ALG1: variants seen among roughly 807,000 people sequenced by gnomAD.
ALG1 encodes the protein ALG1 chitobiosyldiphosphodolichol beta-mannosyltransferase.
In ALG1, 58 loss-of-function variants were observed where a neutral mutation model predicts 55.1. The observed-to-expected ratio is 1.05, with a 90% CI of 0.85 to 1.31. ALG1 has a LOEUF of 1.31. ALG1 is among the 50% of genes most tolerant of loss of function. ALG1 has a pLI of 0.00. For missense variants in ALG1, 761 were observed against 598.6 expected (o/e 1.27, Z -2.83); for synonymous variants, 309 against 247.0 (o/e 1.25, Z -2.35).
rs1957115488 is a variant in ALG1, at chr16:5,085,308, A to C, written c.*427A>C. 2.0e-6 allele frequency: 1 copy of C among 494,608 alleles called. No individual in the cohort carries two copies. Among genetic ancestry groups the C allele is most frequent in the Non-Finnish European group, 3.7e-6 (1 of 271,230 alleles). The allele number at this position is 494,608 out of a possible 1,614,324, so 30.6% of individuals were successfully genotyped here. On this transcript the variant is annotated 3_prime_UTR_variant, in exon 13 of 13. Transcript: ENST00000262374. ...CTGCAGTGGGCTTGGCTTTGTGAGGAACTGAGTGTGTCCACGTTGGGGGAA... is the reference window on the plus strand; with the variant it reads ...CTGCAGTGGGCTTGGCTTTGTGAGGCACTGAGTGTGTCCACGTTGGGGGAA...
At chr16:5,081,798 G>C (rs1421886194) in intron 10 of ALG1, among the ~76,000 whole-genome samples, 1 of 152,036 alleles carries the variant, frequency 6.6e-6, no homozygotes, top group Non-Finnish European at 1.5e-5. Context: ...CTGACCTCAA[G>C]TGATCCTCCT....
chr16:5,085,010 C>T lies in ALG1; in HGVS notation c.*129C>T, dbSNP rs1397867110. On this transcript the variant is annotated 3_prime_UTR_variant, in exon 13 of 13. Coordinates refer to ENST00000262374, the MANE Select transcript of ALG1 (RefSeq NM_019109.5). Reference sequence around the variant, plus strand: ...AGAAGCTGAAATGACAGCAGTGGTACTGCCTGGTAAAAGAATTGGTTCTGT... The same window carrying T: ...AGAAGCTGAAATGACAGCAGTGGTATTGCCTGGTAAAAGAATTGGTTCTGT... 6.6e-6 allele frequency: 10 copies of T among 1,516,286 alleles called. No homozygotes were observed. In the Admixed American group the frequency reaches 1.2e-4, roughly 18 times the overall value. 93.9% of individuals were successfully genotyped at this position (1,516,286 alleles called of 1,614,324 possible).
rs1957102618 is a variant in ALG1 at position 5,084,944 on chromosome 16, G to C, written c.*63G>C. The C allele has an allele frequency of 6.3e-7, 1 of 1,596,120 alleles. No individual in the cohort carries two copies. Among genetic ancestry groups the C allele is most frequent in the Non-Finnish European group, 8.5e-7 (1 of 1,179,634 alleles). ...GTCCTTCCCGCAGCTTCTTCTTGGA[G>C]TCTCAGGGCAAACCCTTTCGAGCAG... is the stretch of plus-strand genomic sequence containing the variant. On this transcript the variant is annotated 3_prime_UTR_variant, in exon 13 of 13. Coordinates refer to ENST00000262374, the MANE Select transcript of ALG1 (RefSeq NM_019109.5).
rs1957132814 is a variant in ALG1 at position 5,085,657 on chromosome 16, ATCTCCAAGTGC to A, written c.*780_*790del. 1 of 1,611,320 alleles carries A rather than the reference ATCTCCAAGTGC, an allele frequency of 6.2e-7. No homozygotes were observed. The highest frequency in any genetic ancestry group is 1.7e-5 in the Admixed American group (1 of 59,992). On this transcript the variant is annotated 3_prime_UTR_variant, in exon 13 of 13. Coordinates refer to ENST00000262374, the MANE Select transcript of ALG1 (RefSeq NM_019109.5). The stretch of plus-strand genomic sequence containing the variant: ...CTACAGGGTGAGATTCAGCATTGCC[ATCTCCAAGTGC>A]TCTTCGTAGGGAAACAGTTTCTGCT...
intron 8 of ALG1, 67 bp downstream of exon 8, chr16:5,079,169 C>T: frequency 6.3e-7 from 1 of 1,576,422 alleles, no homozygotes; most frequent in African/African-American, 1.3e-5. Context: ...AGCTGCTTGC[C>T]TGGCCTGCAG....
chr16:5,074,380 C>T (rs185762784), intron 3 of ALG1, among the ~76,000 whole-genome samples: 2 of 152,154 alleles, frequency 1.3e-5, no homozygotes, highest in East Asian at 3.9e-4. Flanking sequence ...GAACTCCTGA[C>T]CTCAGGTGAT....
intron 8 of ALG1, 83 bp downstream of exon 8, chr16:5,079,185 TC>T (rs1956972138): frequency 6.5e-6 from 10 of 1,544,596 alleles, no homozygotes; most frequent in Non-Finnish European, 8.7e-6. Context: ...TGCAGCATGT[TC>T]CTGTCCCAGG....
At chr16:5,072,170 G>C in intron 1 of ALG1, 113 bp downstream of exon 1, 3 of 1,523,744 alleles carry the variant, frequency 2.0e-6, no homozygotes, top group Non-Finnish European at 2.6e-6. Context: ...CCTTTGGGCA[G>C]CTCTCCGAGA....
chr16:5,072,781 A>G (rs1956839775), intron 1 of ALG1, among the ~76,000 whole-genome samples, 170 bp from the exon 2 acceptor site: 2 of 152,218 alleles, frequency 1.3e-5, no homozygotes, highest in African/African-American at 4.8e-5. Context: ...TCCTAGAGCA[A>G]TCTGAACAAG....
rs145354851 is a variant in ALG1, at chr16:5,087,339, T to C, written c.*2458T>C. On this transcript the variant is annotated 3_prime_UTR_variant, in exon 13 of 13. Coordinates refer to ENST00000262374, the MANE Select transcript of ALG1 (RefSeq NM_019109.5). ...AGGTTTTCCCCTATAGGTATACTTA[T>C]GTGAAAATGATTATTGTGATAAATT... is the stretch of plus-strand genomic sequence containing the variant. The C allele has an allele frequency of 2.6e-5, 4 of 152,336 alleles. No homozygotes were observed. The highest frequency in any genetic ancestry group is 1.9e-4 in the East Asian group (1 of 5,188). 9.4% of individuals were successfully genotyped at this position (152,336 alleles called of 1,614,324 possible).
chr16:5,078,013 G>A lies in ALG1; in HGVS notation c.736G>A (p.Ala246Thr), dbSNP rs1300890036. 1 of 1,598,392 alleles carries A rather than the reference G, an allele frequency of 6.3e-7. No individual in the cohort carries two copies. Residue 246 changes from alanine to threonine, a missense_variant, in exon 6 of 13, where the codon GCC becomes ACC. Ala to Thr is a moderately conservative substitution (Grantham distance 58). Coordinates refer to ENST00000262374, the MANE Select transcript of ALG1 (RefSeq NM_019109.5). ...KLGSMHSPFR[A>T]RSEPEDPVTE... ...GGGCAGCATGCACTCTCCGTTCAGG[G>A]CCCGGTAGGCCTCCCATCCTCAGCT... is the stretch of plus-strand genomic sequence containing the variant.
chr16:5,075,257 T>G (rs1956889114), intron 3 of ALG1, 131 bp from the exon 4 acceptor site: 1 of 1,050,188 alleles, frequency 9.5e-7, no homozygotes, highest in Non-Finnish European at 1.5e-6. Context: ...GAGAGGGTCT[T>G]TCTTCTGCTT....
chr16:5,075,337 T>C lies in ALG1; in HGVS notation c.391-51T>C, dbSNP rs1956890329. Reference sequence around the variant, plus strand: ...GTTGTGACTATTTTTACTGGGTTTATTGCCTAGCATGGTCTGGGTTTCCTC... The same window carrying C: ...GTTGTGACTATTTTTACTGGGTTTACTGCCTAGCATGGTCTGGGTTTCCTC... On this transcript the variant is annotated intron_variant, in intron 3 of 12. Transcript: ENST00000262374. The C allele has an allele frequency of 1.9e-6, 3 of 1,591,148 alleles. No homozygotes were observed. In the African/African-American group the frequency reaches 4.0e-5, roughly 21 times the overall value.
chr16:5,073,502 C>T, intron 3 of ALG1: 1 of 559,358 alleles, frequency 1.8e-6, no homozygotes, highest in Non-Finnish European at 3.2e-6. Context: ...CTCATTTAGT[C>T]CTCACAGTTA....
chr16:5,074,340 G>T (rs1359176781), intron 3 of ALG1, among the ~76,000 whole-genome samples: 1 of 151,638 alleles, frequency 6.6e-6, no homozygotes, highest in African/African-American at 2.4e-5. Flanking sequence ...AGTAGAGATG[G>T]GGTTTCGCTA....
rs979651073 is a variant in ALG1 at position 5,087,326 on chromosome 16, A to G, written c.*2445A>G. ...ATATGTATATTCTAGGTTTTCCCCT[A>G]TAGGTATACTTATGTGAAAATGATT... On this transcript the variant is annotated 3_prime_UTR_variant, in exon 13 of 13. Transcript: ENST00000262374. 1 of 152,204 alleles carries G rather than the reference A, an allele frequency of 6.6e-6. No homozygotes were observed. The highest frequency in any genetic ancestry group is 1.5e-5 in the Non-Finnish European group (1 of 68,034). 9.4% of individuals were successfully genotyped at this position (152,204 alleles called of 1,614,324 possible).
rs376723766 is a variant in ALG1 at position 5,071,944 on chromosome 16, C to G, written c.95C>G (p.Ala32Gly). The G allele has an allele frequency of 6.3e-7, 1 of 1,587,530 alleles. No individual in the cohort carries two copies. Among genetic ancestry groups the G allele is most frequent in the African/African-American group, 1.3e-5 (1 of 74,258 alleles). ...AAGCGCTGGCGCCGGGGGCGGGCGG[C>G]CCGGCATGTAGTAGCGGTGGTGCTG... ...GWKRWRRGRA[A>G]RHVVAVVLGD... The change falls in exon 1 of 13, where the codon GCC (alanine) becomes GGC (glycine). Residue 32 changes from alanine (A) to glycine (G), a missense_variant. Coordinates refer to ENST00000262374, the MANE Select transcript of ALG1 (RefSeq NM_019109.5).
chr16:5,073,087 C>T (rs1010702683), intron 2 of ALG1, 59 bp downstream of exon 2: 2 of 1,611,364 alleles, frequency 1.2e-6, no homozygotes, highest in Admixed American at 1.7e-5. Context: ...AGGGGGTGTT[C>T]GTTTGAAAAG....
intron 10 of ALG1, 50 bp downstream of exon 10, chr16:5,081,106 G>GGGGGGGGGTA: frequency 7.1e-7 from 1 of 1,407,860 alleles, no homozygotes; most frequent in Non-Finnish European, 9.6e-7. Flanking sequence ...AACAGGGTGG[G>GGGGGGGGGTA]CGGGATGTAC....
Sources: gnomAD v4.1 joint callset for allele counts (sites outside exome capture counted in the v4.1 genomes callset) on GRCh38, gnomAD v4.1.1 for gene constraint, MANE v1.5 for transcripts, NCBI Gene and HGNC (gene_info 2026-07-23, HGNC 2026-07-21) for gene names.